Variants in CFAP65 observed in about 807,000 individuals in gnomAD.
CFAP65 encodes cilia and flagella associated protein 65, also known as cilia- and flagella-associated protein 65.
In CFAP65, 155 loss-of-function variants were observed where a neutral mutation model predicts 208.0. The ratio of observed to expected loss-of-function variants is 0.75; its 90% CI spans 0.65 to 0.85. CFAP65 has a LOEUF of 0.85. CFAP65 is among the 40% of genes least tolerant of loss of function. The pLI is 0.00. For synonymous variants in CFAP65, 970 were observed against 986.3 expected (o/e 0.98, Z 0.31); for missense variants, 2,294 against 2,451.3 (o/e 0.94, Z 1.36).
Position 219,031,015 on chromosome 2 carries a change from G to C in CFAP65, c.1015+91C>G. 6.8e-7 allele frequency: 1 copy of C among 1,464,746 alleles called. No homozygotes were observed. The highest frequency in any genetic ancestry group is 1.3e-5 in the South Asian group (1 of 78,322). 90.7% of individuals were successfully genotyped at this position (1,464,746 alleles called of 1,614,324 possible). A position where few individuals can be genotyped will look rare whatever the true frequency, so the allele number is the denominator to read the frequency against. On this transcript the variant is annotated intron_variant, in intron 8 of 34. Coordinates refer to ENST00000341552, the MANE Select transcript of CFAP65 (RefSeq NM_194302.4). The surrounding 1 kb of genome is among the most constrained non-coding windows in gnomAD (Gnocchi z 5.2). ...AGGAGGCCGGTGGAGGCGGGGGCCA[G>C]GCCAGATGGGAGGTGGGGGACACTG... is the stretch of plus-strand genomic sequence containing the variant.
At position 219,026,050 on chromosome 2, in the gene CFAP65, A is replaced by C. The variant is rs1191954748; in HGVS notation, c.2321T>G (p.Ile774Ser). The C allele has an allele frequency of 6.2e-7, 1 of 1,614,034 alleles. No homozygotes were observed. Among genetic ancestry groups the C allele is most frequent in the East Asian group, 2.2e-5 (1 of 44,882 alleles). Residue 774 changes from isoleucine (I) to serine (S), a missense_variant, in exon 14 of 35, where the codon ATC (isoleucine) becomes AGC (serine). Physicochemically the swap from Ile to Ser is moderately radical, Grantham distance 142. Transcript: ENST00000341552. ...HSYFAGFEHH[I>S]PQYSLDVPKL... ...GGGGACATCTAGGGAATACTGGGGG[A>C]TGTGGTGCTCAAAGCCAGCGAAATA...
intron 21 of CFAP65, chr2:219,014,760 C>T (rs73993395): frequency 0.17 from 26,256 of 151,724 alleles, 5,500 homozygotes; most frequent in African/African-American, 0.51. Flanking sequence ...AAGCGCACAA[C>T]GCACACCTGA....
At chr2:219,029,823 C>A in intron 10 of CFAP65, 155 bp from the exon 11 acceptor site, 1 of 1,151,196 alleles carries the variant, frequency 8.7e-7, no homozygotes, top group Non-Finnish European at 1.2e-6. Context: ...GGACTGGGAT[C>A]TCCAGGTAGT....
intron 24 of CFAP65, among the ~76,000 whole-genome samples, chr2:219,012,142 A>T (rs192641078): frequency 6.6e-6 from 1 of 152,348 alleles, no homozygotes; most frequent in East Asian, 1.9e-4. Context: ...TAATAAATTA[A>T]ATTACAATAA....
At chr2:219,020,672 G>C (rs1180952662) in intron 19 of CFAP65, among the ~76,000 whole-genome samples, 1 of 152,164 alleles carries the variant, frequency 6.6e-6, no homozygotes, top group Non-Finnish European at 1.5e-5. Context: ...GAGCCACCAT[G>C]CCCAGCTTAT....
intron 23 of CFAP65, 27 bp from the exon 24 acceptor site, chr2:219,013,396 A>T: frequency 6.3e-7 from 1 of 1,578,064 alleles, no homozygotes; most frequent in South Asian, 1.1e-5. Flanking sequence ...CCCCGGAGGA[A>T]CTGACACAGC....
intron 18 of CFAP65, 84 bp downstream of exon 18, chr2:219,021,695 GC>G: frequency 6.9e-7 from 1 of 1,458,624 alleles, no homozygotes. Flanking sequence ...ACAGGCGCGT[GC>G]CAGTGTGCCC....
At chr2:219,038,319 ATGCCCCGCCCTGGCCC>A in intron 4 of CFAP65, 40 bp downstream of exon 4, 1 of 1,553,182 alleles carries the variant, frequency 6.4e-7, no homozygotes, top group East Asian at 2.3e-5. Flanking sequence ...CCTGCCACCC[ATGCCCCGCCCTGGCCC>A]TGCCACACCC....
rs774181157 is a variant in CFAP65, at chr2:219,010,609, T to A, written c.4245A>T (p.Pro1415=). ...YNPHMMGDTA[P]FHNISSWDNS... is the part of the protein sequence containing the mutation. ...TGTCCCACGAGGAGATGTTGTGGAA[T>A]GGGGCTGTGTCCCCCATCATATGGG... is the stretch of plus-strand genomic sequence containing the variant. The change falls in exon 26 of 35, where the codon CCA becomes CCT. Residue 1415 remains proline, a synonymous_variant. Transcript: ENST00000341552. The A allele has an allele frequency of 6.2e-7, 1 of 1,612,022 alleles. No homozygotes were observed. Among genetic ancestry groups the A allele is most frequent in the Non-Finnish European group, 8.5e-7 (1 of 1,179,684 alleles).
At chr2:219,009,671 T>C (rs1574531729) in intron 27 of CFAP65, among the ~76,000 whole-genome samples, 1 of 58,106 alleles carries the variant, frequency 1.7e-5, no homozygotes, top group Non-Finnish European at 3.3e-5. Context: ...TGGGGTGGGA[T>C]GGGGTGGGGT....
Position 219,029,509 on chromosome 2 carries a change from G to C in CFAP65, c.1544C>G (p.Ala515Gly). 1 of 1,614,100 alleles carries C rather than the reference G, an allele frequency of 6.2e-7. No individual in the cohort carries two copies. Among genetic ancestry groups the C allele is most frequent in the Non-Finnish European group, 8.5e-7 (1 of 1,180,022 alleles). The change falls in exon 11 of 35, where the codon GCC (alanine) becomes GGC (glycine). Residue 515 changes from alanine (A) to glycine (G), a missense_variant. Coordinates refer to ENST00000341552, the MANE Select transcript of CFAP65 (RefSeq NM_194302.4). ...CLESVFTIRP[A>G]FGTLVGKARM... ...GGCCTTGCCCACCAGCGTCCCAAAG[G>C]CAGGCCTGATGGTAAAGACACTCTC...
Position 219,024,177 on chromosome 2 carries a change from G to A in CFAP65, c.2433C>T (p.Ser811=), listed in dbSNP as rs374805751. The A allele has an allele frequency of 6.2e-7, 1 of 1,613,910 alleles. No homozygotes were observed. Among genetic ancestry groups the A allele is most frequent in the African/African-American group, 1.3e-5 (1 of 74,946 alleles). The change falls in exon 15 of 35, where the codon AGC becomes AGT. Residue 811 remains serine, a synonymous_variant. Coordinates refer to ENST00000341552, the MANE Select transcript of CFAP65 (RefSeq NM_194302.4). The stretch of plus-strand genomic sequence containing the variant: ...CGTCTGAGCCTCTCTGGGGGGCCAG[G>A]CTGAAGGTCAGCAGCTTGCAGTCTT... The part of the protein sequence containing the change: ...VNKDCKLLTF[S]LAPQRGSDVI...
chr2:219,027,276 T>C, intron 13 of CFAP65: 2 of 1,378,762 alleles, frequency 1.5e-6, no homozygotes, highest in East Asian at 2.6e-5. Context: ...CCCAGCTTCC[T>C]GCCCGCTCAA....
At chr2:219,026,961 C>T (rs1158833366) in intron 13 of CFAP65, 3 of 987,382 alleles carry the variant, frequency 3.0e-6, no homozygotes, top group South Asian at 9.4e-5. Flanking sequence ...ATGAAAAGAT[C>T]AGGACTCAGA....
chr2:219,033,304 A>G (rs958923772), intron 5 of CFAP65, among the ~76,000 whole-genome samples: 3 of 152,118 alleles, frequency 2.0e-5, no homozygotes, highest in Non-Finnish European at 4.4e-5. Context: ...GATGCTGTCT[A>G]TACCAAAATT....
At chr2:219,034,097 G>A (rs1297925544) in intron 5 of CFAP65, 1 of 152,180 alleles carries the variant, frequency 6.6e-6, no homozygotes, top group Non-Finnish European at 1.5e-5. Context: ...TCTATTGAGA[G>A]ACAGGAAAGA....
In CFAP65 at chr2:219,003,434, G is replaced by A. The variant is rs1422106874; in HGVS notation, c.5556-162C>T. ...GCATTCTTGTTTCAATGTTACGGACGTTCCAAGTGTGGCTAAAAGATTCCA... is the reference window on the plus strand; with the variant it reads ...GCATTCTTGTTTCAATGTTACGGACATTCCAAGTGTGGCTAAAAGATTCCA... On this transcript the variant is annotated intron_variant, in intron 33 of 34. Coordinates refer to ENST00000341552, the MANE Select transcript of CFAP65 (RefSeq NM_194302.4). The surrounding 1 kb of genome is among the most constrained non-coding windows in gnomAD (Gnocchi z 4.4). Among the ~76,000 whole-genome samples the A allele has an allele frequency of 6.6e-6, 1 of 152,228 alleles. No homozygotes were observed. Among genetic ancestry groups the A allele is most frequent in the Non-Finnish European group, 1.5e-5 (1 of 68,036 alleles).
In CFAP65 at chr2:219,011,576, C is replaced by T. The variant is rs532170326; in HGVS notation, c.3958-580G>A. Among the ~76,000 whole-genome samples the T allele has an allele frequency of 1.6e-3, 240 of 152,272 alleles. 1 individual carries two copies. Among genetic ancestry groups the T allele is most frequent in the Non-Finnish European group, 2.8e-3 (193 of 68,024 alleles). ...GGATTACAGGCTTGAGCCACTGCGC[C>T]TGGCCAAGGGAGTTCTGCTTAAAGG... On this transcript the variant is annotated intron_variant, in intron 24 of 34. Transcript: ENST00000341552.
intron 29 of CFAP65, among the ~76,000 whole-genome samples, chr2:219,008,231 C>G (rs1003787107): frequency 6.6e-6 from 1 of 152,192 alleles, no homozygotes; most frequent in African/African-American, 2.4e-5. Flanking sequence ...ACAACTAGCA[C>G]CTCATAGCCA....
Sources: allele counts gnomAD v4.1 joint callset (sites outside exome capture counted in the v4.1 genomes callset), GRCh38; gene constraint gnomAD v4.1.1; non-coding constraint Gnocchi (gnomAD v3.1); transcripts MANE v1.5; gene names NCBI Gene and HGNC (gene_info 2026-07-23, HGNC 2026-07-21).